Variants in STK26 observed in about 807,000 individuals in gnomAD.
The protein encoded by STK26 is serine/threonine-protein kinase 26.
A neutral mutation model predicts 34.7 loss-of-function variants in STK26; 14 were observed. The observed-to-expected ratio is 0.40, with a 90% CI of 0.27 to 0.63. STK26 has a LOEUF of 0.63. Among genes scored for constraint, STK26 ranks in the 30% least tolerant of loss-of-function variants. The pLI, the probability that STK26 is intolerant of heterozygous loss-of-function variation, is 0.38. For missense variants in STK26, 226 were observed against 309.1 expected (o/e 0.73, Z 2.02); for synonymous variants, 100 against 109.8 (o/e 0.91, Z 0.56).
At position 132,023,512 on chromosome X, in the gene STK26, C is replaced by T; in HGVS notation, c.-106C>T. 1.0e-6 allele frequency: 1 copy of T among 1,002,478 alleles called. No individual in the cohort carries two copies. Among genetic ancestry groups the T allele is most frequent in the African/African-American group, 1.9e-5 (1 of 53,360 alleles). 82.6% of individuals were successfully genotyped at this position (1,002,478 alleles called of 1,213,427 possible). On this transcript the variant is annotated 5_prime_UTR_variant, in exon 2 of 12. Transcript: ENST00000394334. ...CACTTTTGTGTGTCCTCCCAGGCCC[C>T]GATCGAAAAGCCTGGGAGGGCCGCC...
chrX:132,032,905 G>A (rs1325363346), intron 2 of STK26, among the ~76,000 whole-genome samples: 2 of 111,252 alleles, frequency 1.8e-5, no homozygotes, highest in South Asian at 3.7e-4. Flanking sequence ...GGCAGGTGGA[G>A]GAAATACTTC....
intron 2 of STK26, among the ~76,000 whole-genome samples, chrX:132,031,132 T>C: frequency 9.0e-6 from 1 of 110,991 alleles, no homozygotes. Context: ...AATTTGGGGT[T>C]TCACCATGTT....
At chrX:132,035,803 A>G (rs1392027557) in intron 2 of STK26, among the ~76,000 whole-genome samples, 1 of 101,343 alleles carries the variant, frequency 9.9e-6, no homozygotes, top group Non-Finnish European at 2.0e-5. Context: ...AAAAAAACAA[A>G]CAAACCAGAC....
intron 2 of STK26, among the ~76,000 whole-genome samples, chrX:132,040,372 A>C (rs1039841161): frequency 8.9e-6 from 1 of 112,531 alleles, no homozygotes; most frequent in Non-Finnish European, 1.9e-5. Context: ...TATTGGTTCC[A>C]TTATTGTGAT....
chrX:132,054,291 A>G (rs1926783988), intron 2 of STK26, among the ~76,000 whole-genome samples: 1 of 112,315 alleles, frequency 8.9e-6, no homozygotes, highest in Non-Finnish European at 1.9e-5. Context: ...TTCTCCCACT[A>G]TTGCTACATT....
intron 3 of STK26, 58 bp downstream of exon 3, chrX:132,054,919 T>C (rs1926805315): frequency 2.0e-6 from 2 of 1,008,758 alleles, no homozygotes; most frequent in Non-Finnish European, 2.7e-6. Context: ...AGTTTTTTAA[T>C]TCTATTTTTT....
At chrX:132,027,412 G>C (rs1935122982) in intron 2 of STK26, among the ~76,000 whole-genome samples, 1 of 112,254 alleles carries the variant, frequency 8.9e-6, no homozygotes, top group Admixed American at 9.4e-5. Flanking sequence ...ATGATGTTCG[G>C]TAGGTTAGGT....
At chrX:132,024,969 G>A (rs111836227) in intron 2 of STK26, among the ~76,000 whole-genome samples, 3 of 108,331 alleles carry the variant, frequency 2.8e-5, no homozygotes, top group Non-Finnish European at 5.7e-5. Context: ...GAAATAGTAG[G>A]GCTTAAAAAA....
At chrX:132,034,931 G>T (rs1602745694) in intron 2 of STK26, among the ~76,000 whole-genome samples, 1 of 110,875 alleles carries the variant, frequency 9.0e-6, no homozygotes, top group African/African-American at 3.3e-5. Context: ...CAGCTGCTCC[G>T]CCAATTTGGG....
chrX:132,048,566 G>T (rs1174089542), intron 2 of STK26, among the ~76,000 whole-genome samples: 1 of 111,685 alleles, frequency 9.0e-6, no homozygotes, highest in African/African-American at 3.3e-5. Context: ...CCTCTCCAGG[G>T]TATAGTTTCC....
At chrX:132,048,622 A>G (rs750405145) in intron 2 of STK26, among the ~76,000 whole-genome samples, 34 of 111,987 alleles carry the variant, frequency 3.0e-4, no homozygotes, top group South Asian at 7.4e-4. Flanking sequence ...GTTCCTGTTC[A>G]TCTCAAAGAT....
chrX:132,023,379 T>C lies in STK26; in HGVS notation c.-139T>C. The C allele has an allele frequency of 1.9e-6, 1 of 533,559 alleles. No homozygotes were observed. The highest frequency in any genetic ancestry group is 2.3e-5 in the South Asian group (1 of 43,340). 44.0% of individuals were successfully genotyped at this position (533,559 alleles called of 1,213,427 possible). On this transcript the variant is annotated 5_prime_UTR_variant, in exon 1 of 12. Transcript: ENST00000394334. Reference sequence around the variant, plus strand: ...GAAGAGGAGCAGCAGCGGAGGCGGCTGCTTCAGCGGCGGGCGGGCGCCAGA... The same window carrying C: ...GAAGAGGAGCAGCAGCGGAGGCGGCCGCTTCAGCGGCGGGCGGGCGCCAGA...
At chrX:132,056,318 C>T (rs902821173) in intron 3 of STK26, among the ~76,000 whole-genome samples, 2 of 112,133 alleles carry the variant, frequency 1.8e-5, no homozygotes, top group Admixed American at 1.9e-4. Context: ...CCTTCTTCCT[C>T]TGTAGGACAG....
chrX:132,040,249 ACTG>A (rs1926214053), intron 2 of STK26, among the ~76,000 whole-genome samples: 1 of 112,858 alleles, frequency 8.9e-6, no homozygotes, highest in East Asian at 2.8e-4. Flanking sequence ...ATTAAGCCCG[ACTG>A]AGAATTGCTG....
intron 8 of STK26, among the ~76,000 whole-genome samples, 165 bp downstream of exon 8, chrX:132,071,382 A>G (rs1216569859): frequency 1.8e-5 from 2 of 112,471 alleles, no homozygotes; most frequent in Non-Finnish European, 3.8e-5. Context: ...GTGGAATACA[A>G]TGGAGTTGGA....
intron 3 of STK26, among the ~76,000 whole-genome samples, chrX:132,060,930 G>A (rs929840145): frequency 2.7e-5 from 3 of 111,245 alleles, no homozygotes; most frequent in Admixed American, 9.5e-5. Context: ...CTGATTTCCA[G>A]AACAAATAAG....
At chrX:132,027,184 C>T (rs1435996325) in intron 2 of STK26, among the ~76,000 whole-genome samples, 1 of 111,964 alleles carries the variant, frequency 8.9e-6, no homozygotes, top group Non-Finnish European at 1.9e-5. Flanking sequence ...CAGGGCATTT[C>T]CAAGCAAGGA....
intron 7 of STK26, 38 bp from the exon 8 acceptor site, chrX:132,071,031 A>G: frequency 8.5e-7 from 1 of 1,170,124 alleles, no homozygotes; most frequent in Non-Finnish European, 1.1e-6. Context: ...TAAGAGTTCA[A>G]CAATTGTCAT....
chrX:132,034,107 A>AATATAT (rs1925940563), intron 2 of STK26, among the ~76,000 whole-genome samples: 1 of 79,729 alleles, frequency 1.3e-5, no homozygotes, highest in Non-Finnish European at 2.5e-5. Flanking sequence ...AAGTATAATA[A>AATATAT]ATACATATAT....
Sources: allele counts gnomAD v4.1 joint callset (sites outside exome capture counted in the v4.1 genomes callset), GRCh38; gene constraint gnomAD v4.1.1; transcripts MANE v1.5; gene names NCBI Gene and HGNC (gene_info 2026-07-23, HGNC 2026-07-21).